IMMP2L: variants seen among roughly 807,000 people sequenced by gnomAD.
IMMP2L encodes mitochondrial inner membrane protease subunit 2.
A neutral mutation model predicts 19.3 loss-of-function variants in IMMP2L; 18 were observed. That is an observed-to-expected ratio of 0.93 (90% CI 0.64 to 1.38). The LOEUF is 1.38. IMMP2L is among the 40% of genes most tolerant of loss of function. IMMP2L has a pLI of 0.00. For synonymous variants in IMMP2L, 76 were observed against 73.0 expected (o/e 1.04, Z -0.21); for missense variants, 233 against 218.2 (o/e 1.07, Z -0.43).
chr7:111,112,454 T>G (rs1446309998), intron 3 of IMMP2L, among the ~76,000 whole-genome samples: 1 of 151,784 alleles, frequency 6.6e-6, no homozygotes, highest in East Asian at 1.9e-4. Flanking sequence ...TCATGTCCTG[T>G]ACAGTAATGA....
At chr7:110,797,815 C>T (rs1800960079) in intron 5 of IMMP2L, among the ~76,000 whole-genome samples, 1 of 151,994 alleles carries the variant, frequency 6.6e-6, no homozygotes, top group Non-Finnish European at 1.5e-5. Flanking sequence ...AAAGAAAACA[C>T]ATGAAGGATC....
chr7:110,919,964 C>T (rs1169785877), intron 4 of IMMP2L, among the ~76,000 whole-genome samples: 1 of 152,124 alleles, frequency 6.6e-6, no homozygotes, highest in Non-Finnish European at 1.5e-5. Context: ...CTTGCTGAGT[C>T]TTCTGGCCTT....
At chr7:111,076,989 G>C (rs1312384013) in intron 3 of IMMP2L, among the ~76,000 whole-genome samples, 1 of 152,188 alleles carries the variant, frequency 6.6e-6, no homozygotes, top group Non-Finnish European at 1.5e-5. Context: ...TCCAACTAGG[G>C]AAAAATTGCA....
chr7:111,262,642 C>T (rs75836501), intron 3 of IMMP2L, among the ~76,000 whole-genome samples: 2,020 of 152,186 alleles, frequency 0.013, 47 homozygotes, highest in African/African-American at 0.046. Flanking sequence ...GTAAACAGAA[C>T]GCAAGATTTA....
At chr7:111,376,789 G>A (rs192716392) in intron 3 of IMMP2L, among the ~76,000 whole-genome samples, 29 of 151,946 alleles carry the variant, frequency 1.9e-4, no homozygotes, top group Admixed American at 5.3e-4. Context: ...GAAAGAAGTC[G>A]GTCACAAAGA....
At chr7:111,114,133 TACACAC>T (rs71151831) in intron 3 of IMMP2L, among the ~76,000 whole-genome samples, 4 of 146,580 alleles carry the variant, frequency 2.7e-5, no homozygotes, top group Admixed American at 6.9e-5. Flanking sequence ...CACATAAATC[TACACAC>T]ACACACACAC....
chr7:111,293,164 G>A (rs544166809), intron 3 of IMMP2L, among the ~76,000 whole-genome samples: 80 of 151,914 alleles, frequency 5.3e-4, no homozygotes, highest in Admixed American at 4.7e-3. Context: ...CCCTGAATTC[G>A]GCTCTTTCCC....
Position 111,124,015 on chromosome 7 carries a change from A to G in IMMP2L, c.240-160450T>C, listed in dbSNP as rs1192824677. 7 of 1,613,992 alleles carry G rather than the reference A, an allele frequency of 4.3e-6. No homozygotes were observed. Among genetic ancestry groups the G allele is most frequent in the African/African-American group, 1.3e-5 (1 of 74,930 alleles). On this transcript the variant is annotated intron_variant, in intron 3 of 5. Transcript: ENST00000405709. ...TGTTCGGCAAGTGCATTTCAGGGAC[A>G]TGATGGAAATTTGTCTCCCTCTTAT... is the stretch of plus-strand genomic sequence containing the variant.
rs929955157 is a variant in IMMP2L at position 111,562,463 on chromosome 7, C to G, written c.-615G>C. The G allele has an allele frequency of 2.0e-5, 3 of 151,724 alleles. No individual in the cohort carries two copies. The highest frequency in any genetic ancestry group is 7.2e-5 in the African/African-American group (3 of 41,454). 9.4% of individuals were successfully genotyped at this position (151,724 alleles called of 1,614,324 possible). ...GGACGCCGGGCGCCCGCCCTCCGCA[C>G]CCGCTGCGCAGCTCAGCCCGGGGGA... On this transcript the variant is annotated 5_prime_UTR_variant, in exon 1 of 6. Transcript: ENST00000405709.
At chr7:110,670,543 A>AGCCAGATG (rs1003997618) in intron 5 of IMMP2L, among the ~76,000 whole-genome samples, 8 of 152,096 alleles carry the variant, frequency 5.3e-5, no homozygotes, top group Non-Finnish European at 7.4e-5. Flanking sequence ...TACAAAAATT[A>AGCCAGATG]GCCAGATGCA....
At chr7:111,434,986 A>G (rs1837008369) in intron 3 of IMMP2L, among the ~76,000 whole-genome samples, 1 of 151,940 alleles carries the variant, frequency 6.6e-6, no homozygotes, top group African/African-American at 2.4e-5. Context: ...CATTTCTCAT[A>G]CCATCTTTCA....
At chr7:111,299,866 G>C (rs552308308) in intron 3 of IMMP2L, among the ~76,000 whole-genome samples, 1 of 151,804 alleles carries the variant, frequency 6.6e-6, no homozygotes, top group African/African-American at 2.4e-5. Flanking sequence ...AAGGACTAAC[G>C]GCAATATACA....
chr7:111,550,259 A>T (rs1050656819), intron 1 of IMMP2L, among the ~76,000 whole-genome samples: 5 of 152,278 alleles, frequency 3.3e-5, no homozygotes, highest in African/African-American at 9.6e-5. Flanking sequence ...AGGCAAAAAC[A>T]TTGGAGACAG....
intron 3 of IMMP2L, among the ~76,000 whole-genome samples, chr7:111,121,654 T>C (rs1271527301): frequency 5.9e-5 from 9 of 152,158 alleles, no homozygotes; most frequent in Admixed American, 1.3e-4. Flanking sequence ...AGTTCAACCA[T>C]TGTAGAAGAC....
intron 2 of IMMP2L, among the ~76,000 whole-genome samples, chr7:111,506,512 C>T (rs1844920295): frequency 6.6e-6 from 1 of 152,170 alleles, no homozygotes; most frequent in Non-Finnish European, 1.5e-5. Flanking sequence ...ATTCTCCTGC[C>T]TCAGCCTCCA....
intron 5 of IMMP2L, among the ~76,000 whole-genome samples, chr7:110,876,278 T>C (rs1402880754): frequency 6.6e-6 from 1 of 151,506 alleles, no homozygotes; most frequent in Non-Finnish European, 1.5e-5. Context: ...TTTTGAAACA[T>C]GCGAGAACTT....
At chr7:111,210,538 T>C (rs1029692975) in intron 3 of IMMP2L, among the ~76,000 whole-genome samples, 15 of 152,150 alleles carry the variant, frequency 9.9e-5, no homozygotes, top group African/African-American at 3.1e-4. Context: ...CTCACTACCA[T>C]TGGAAAGAAA....
At chr7:111,387,988 A>AAAAAAAAAAAAAAC (rs1563131624) in intron 3 of IMMP2L, among the ~76,000 whole-genome samples, 2 of 150,574 alleles carry the variant, frequency 1.3e-5, no homozygotes, top group African/African-American at 4.9e-5. Flanking sequence ...AAAAAAAAAA[A>AAAAAAAAAAAAAAC]AAAAAAAAAA....
At chr7:110,893,560 G>A (rs944209193) in intron 4 of IMMP2L, among the ~76,000 whole-genome samples, 1 of 152,036 alleles carries the variant, frequency 6.6e-6, no homozygotes, top group Non-Finnish European at 1.5e-5. Context: ...TCTAATTTTT[G>A]ACTTTTTACA....
Sources: gnomAD v4.1 joint callset for allele counts (sites outside exome capture counted in the v4.1 genomes callset) on GRCh38, gnomAD v4.1.1 for gene constraint, MANE v1.5 for transcripts, NCBI Gene and HGNC (gene_info 2026-07-23, HGNC 2026-07-21) for gene names.